PIAS2: variants seen among roughly 807,000 people sequenced by gnomAD.
PIAS2 encodes protein inhibitor of activated STAT 2.
In PIAS2, 19 loss-of-function variants were observed where a neutral mutation model predicts 69.7. The observed-to-expected ratio is 0.27, with a 90% confidence interval of 0.19 to 0.40. The LOEUF (loss-of-function observed/expected upper bound fraction) is 0.40, where lower values mean the gene tolerates loss of function less well. Among genes scored for constraint, PIAS2 ranks in the 10% least tolerant of loss-of-function variants. The pLI is 1.00. For synonymous variants in PIAS2, 261 were observed against 263.2 expected, an observed-to-expected ratio of 0.99 and a Z score of 0.08; for missense variants, 624 against 757.0, an observed-to-expected ratio of 0.82 and a Z score of 2.06.
At chr18:46,865,306 G>A (rs1295945730) in intron 2 of PIAS2, among the ~76,000 whole-genome samples, 8 of 152,084 alleles carry the variant, frequency 5.3e-5, no homozygotes, top group Admixed American at 3.3e-4. Flanking sequence ...CTGGGAGGCC[G>A]AGGCAGGTGG....
rs2043050639 is a variant in PIAS2 at position 46,827,962 on chromosome 18, T to C, written c.1505A>G (p.Lys502Arg). ...AGTGAACTATAAATTAACAAACCCT[T>C]TGGTTGGGCTGCTTTGTGTTTCTGA... Reference protein sequence around the residue: ...FMSETQSSPTKGVLMYQPSSV... With the variant: ...FMSETQSSPTRGVLMYQPSSV... Residue 502 changes from lysine to arginine, a missense_variant, in exon 11 of 14, where the codon AAA (lysine) becomes AGA (arginine). By Grantham distance (26) the Lys-to-Arg change is conservative (BLOSUM62 2). This residue lies in a region of PIAS2 where 241 missense variants were observed against 257.3 expected (regional missense o/e 0.94). Transcript: ENST00000585916. The C allele has an allele frequency of 1.2e-6, 2 of 1,613,340 alleles. No individual in the cohort carries two copies. Among genetic ancestry groups the C allele is most frequent in the Admixed American group, 1.7e-5 (1 of 59,962 alleles).
At position 46,809,994 on chromosome 18, in the gene PIAS2, T is replaced by C. The variant is rs544557973; in HGVS notation, c.*2439A>G. 3 of 152,264 alleles carry C rather than the reference T, an allele frequency of 2.0e-5. No homozygotes were observed. The East Asian group carries it at 5.8e-4, about 29-fold the overall frequency. 9.4% of individuals were successfully genotyped at this position (152,264 alleles called of 1,614,324 possible). On this transcript the variant is annotated 3_prime_UTR_variant, in exon 14 of 14. Coordinates refer to ENST00000585916, the MANE Select transcript of PIAS2 (RefSeq NM_004671.5). Reference sequence around the variant, plus strand: ...AAGGCTGACGGATTAATAATCATGATGTTGCCATAAGGCCAAAGTCATAAA... The same window carrying C: ...AAGGCTGACGGATTAATAATCATGACGTTGCCATAAGGCCAAAGTCATAAA...
At chr18:46,906,773 TG>T (rs59066322) in intron 1 of PIAS2, among the ~76,000 whole-genome samples, 7,073 of 80,718 alleles carry the variant, frequency 0.088, 285 homozygotes, top group Non-Finnish European at 0.1. Context: ...TGTGTGTGTG[TG>T]GGGGGGGGGG....
rs146374072 is a variant in PIAS2 at position 46,804,378 on chromosome 18, A to G, written c.*8055T>C. The G allele has an allele frequency of 2.6e-5, 4 of 152,148 alleles. No homozygotes were observed. In the East Asian group the frequency reaches 7.7e-4, roughly 29 times the overall value. The allele number at this position is 152,148 out of a possible 1,614,324, so 9.4% of individuals were successfully genotyped here. On this transcript the variant is annotated 3_prime_UTR_variant, in exon 14 of 14. Transcript: ENST00000585916. ...TAGTTAAAACTGGATTTGAAACCTG[A>G]CTCCTCAATTACAAGCTGCATGACC...
At chr18:46,907,178 C>G (rs948679307) in intron 1 of PIAS2, among the ~76,000 whole-genome samples, 1 of 152,060 alleles carries the variant, frequency 6.6e-6, no homozygotes, top group Non-Finnish European at 1.5e-5. Flanking sequence ...CAAAACATAA[C>G]CAGCAAGAGA....
chr18:46,840,914 G>C (rs761660338), intron 8 of PIAS2, among the ~76,000 whole-genome samples: 1 of 151,332 alleles, frequency 6.6e-6, no homozygotes, highest in Non-Finnish European at 1.5e-5. Flanking sequence ...TCTAAATTAA[G>C]AGAGTTTTTA....
intron 5 of PIAS2, among the ~76,000 whole-genome samples, chr18:46,848,061 C>G (rs1267637759): frequency 1.3e-5 from 2 of 152,054 alleles, no homozygotes; most frequent in Non-Finnish European, 2.9e-5. Context: ...TTAACATATT[C>G]CCTTTTGTAC....
At chr18:46,872,390 A>T (rs979961996) in intron 2 of PIAS2, among the ~76,000 whole-genome samples, 2 of 152,256 alleles carry the variant, frequency 1.3e-5, no homozygotes, top group Non-Finnish European at 2.9e-5. Context: ...GAGCGAAAGC[A>T]ACAATACCAA....
chr18:46,873,682 A>T (rs1239092438), intron 2 of PIAS2, among the ~76,000 whole-genome samples: 1 of 152,230 alleles, frequency 6.6e-6, no homozygotes, highest in South Asian at 2.1e-4. Flanking sequence ...TTAATAGCAA[A>T]GGCCAAGACC....
At chr18:46,889,559 TA>T (rs558839357) in intron 2 of PIAS2, among the ~76,000 whole-genome samples, 32 of 145,674 alleles carry the variant, frequency 2.2e-4, no homozygotes, top group Admixed American at 4.8e-4. Flanking sequence ...ATGGCCACTA[TA>T]AAAAAAAAAG....
At chr18:46,901,339 G>A in intron 1 of PIAS2, 1 of 269,276 alleles carries the variant, frequency 3.7e-6, no homozygotes, top group Non-Finnish European at 7.5e-6. Context: ...AACCTGGGAG[G>A]CGGACGTTGT....
chr18:46,824,608 A>G (rs1374392508), intron 11 of PIAS2, among the ~76,000 whole-genome samples: 1 of 152,198 alleles, frequency 6.6e-6, no homozygotes, highest in Non-Finnish European at 1.5e-5. Context: ...AATGGCAATG[A>G]TTCTCTCTAG....
At chr18:46,894,443 T>C (rs1484698630) in intron 1 of PIAS2, among the ~76,000 whole-genome samples, 3 of 152,138 alleles carry the variant, frequency 2.0e-5, no homozygotes, top group East Asian at 3.9e-4. Context: ...TTGGTATCTT[T>C]AGTCTAATTT....
chr18:46,817,261 G>A lies in PIAS2; in HGVS notation c.1649-1912C>T, dbSNP rs868137011. On this transcript the variant is annotated intron_variant, in intron 12 of 13. Transcript: ENST00000585916. Reference sequence around the variant, plus strand: ...TTTTATAACGCTAAGTATTGACAATGGTGTTGGAATATTGTGTACTGAAGC... The same window carrying A: ...TTTTATAACGCTAAGTATTGACAATAGTGTTGGAATATTGTGTACTGAAGC... The A allele has an allele frequency of 8.1e-5, 80 of 983,918 alleles. No individual in the cohort carries two copies. In the Middle Eastern group the frequency reaches 3.1e-3, roughly 39 times the overall value. The allele number at this position is 983,918 out of a possible 1,614,324, so 60.9% of individuals were successfully genotyped here.
intron 1 of PIAS2, chr18:46,915,455 C>G (rs1278162038): frequency 6.6e-6 from 1 of 152,130 alleles, no homozygotes; most frequent in Non-Finnish European, 1.5e-5. Flanking sequence ...ACCCCTCACT[C>G]CTCTGAAAAT....
In PIAS2 at chr18:46,803,587, C is replaced by G. The variant is rs747748263; in HGVS notation, c.*8846G>C. The stretch of plus-strand genomic sequence containing the variant: ...TATAGCTTGTCAAATAGCAGGTGGG[C>G]ATGTCTTTCAGACATCAGGTCAACT... On this transcript the variant is annotated 3_prime_UTR_variant, in exon 14 of 14. Transcript: ENST00000585916. 1 of 152,166 alleles carries G rather than the reference C, an allele frequency of 6.6e-6. No homozygotes were observed. The allele number at this position is 152,166 out of a possible 1,614,324, so 9.4% of individuals were successfully genotyped here.
Position 46,808,282 on chromosome 18 carries a change from T to A in PIAS2, c.*4151A>T, listed in dbSNP as rs1477471653. On this transcript the variant is annotated 3_prime_UTR_variant, in exon 14 of 14. Transcript: ENST00000585916. ...CAAGTGATTTTTTCTGGTGACAGAA[T>A]CATAGGCAATTAATTGTTATACTTT... The A allele has an allele frequency of 6.6e-6, 1 of 152,206 alleles. No homozygotes were observed. The highest frequency in any genetic ancestry group is 1.5e-5 in the Non-Finnish European group (1 of 68,010). 9.4% of individuals were successfully genotyped at this position (152,206 alleles called of 1,614,324 possible).
chr18:46,883,910 A>G (rs1318876121), intron 2 of PIAS2, among the ~76,000 whole-genome samples: 1 of 152,190 alleles, frequency 6.6e-6, no homozygotes, highest in Admixed American at 6.5e-5. Flanking sequence ...GGAAGGCCTG[A>G]GGTGGGAGGA....
intron 2 of PIAS2, among the ~76,000 whole-genome samples, chr18:46,878,602 G>GT (rs1326597613): frequency 6.6e-6 from 1 of 152,106 alleles, no homozygotes; most frequent in African/African-American, 2.4e-5. Context: ...GGTGCAGTGG[G>GT]TCACTCCTGT....
Sources: allele counts gnomAD v4.1 joint callset (sites outside exome capture counted in the v4.1 genomes callset), GRCh38; gene constraint gnomAD v4.1.1; regional missense constraint gnomAD v4.1.1; transcripts MANE v1.5; gene names NCBI Gene and HGNC (gene_info 2026-07-23, HGNC 2026-07-21).